The following MYO10 variants were observed in gnomAD, a reference collection of about 807,000 sequenced individuals.
MYO10 encodes unconventional myosin-X.
MYO10 carries 133 observed loss-of-function variants against 257.3 expected under a neutral mutation model. That is an observed-to-expected ratio of 0.52 (90% CI 0.45 to 0.60). The LOEUF is 0.60. Among genes scored for constraint, MYO10 ranks in the 20% least tolerant of loss-of-function variants. The pLI, the probability that MYO10 is intolerant of heterozygous loss-of-function variation, is 0.00. For synonymous variants in MYO10, 1,104 were observed against 1,028.6 expected, an observed-to-expected ratio of 1.07 and a Z score of -1.40; for missense variants, 2,399 against 2,635.7, an observed-to-expected ratio of 0.91 and a Z score of 1.97.
At chr5:16,702,480 C>T in intron 24 of MYO10, 63 bp downstream of exon 24, 3 of 1,418,328 alleles carry the variant, frequency 2.1e-6, no homozygotes, top group East Asian at 2.4e-5. Flanking sequence ...TCCTAGAGTC[C>T]AAGCATTAGA....
chr5:16,834,022 C>T (rs1014398715), intron 2 of MYO10, among the ~76,000 whole-genome samples: 3 of 152,104 alleles, frequency 2.0e-5, no homozygotes, highest in African/African-American at 4.8e-5. Flanking sequence ...CAGGCCCCCC[C>T]GAACGCCCCA....
chr5:16,779,505 T>C, intron 9 of MYO10, 40 bp downstream of exon 9: 2 of 1,174,412 alleles, frequency 1.7e-6, no homozygotes, highest in East Asian at 2.5e-5. Context: ...TAATAAGGTA[T>C]CTGATATCTT....
At chr5:16,706,230 T>C (rs1477884092) in intron 21 of MYO10, among the ~76,000 whole-genome samples, 1 of 151,974 alleles carries the variant, frequency 6.6e-6, no homozygotes, top group Non-Finnish European at 1.5e-5. Context: ...TACTCATATA[T>C]ATACACACTC....
chr5:16,894,691 C>G (rs1161942228), intron 1 of MYO10, among the ~76,000 whole-genome samples: 1 of 152,168 alleles, frequency 6.6e-6, no homozygotes, highest in Non-Finnish European at 1.5e-5. Context: ...TTCCCAGATG[C>G]CTGCAGTCCA....
At chr5:16,912,978 T>C (rs982631512) in intron 1 of MYO10, among the ~76,000 whole-genome samples, 9 of 87,582 alleles carry the variant, frequency 1.0e-4, no homozygotes, top group Non-Finnish European at 1.5e-4. Flanking sequence ...GCAAGGATAT[T>C]GTTTATTCCC....
At chr5:16,712,583 C>T (rs1738670848) in intron 19 of MYO10, among the ~76,000 whole-genome samples, 1 of 152,190 alleles carries the variant, frequency 6.6e-6, no homozygotes, top group African/African-American at 2.4e-5. Context: ...CTTAAAAATG[C>T]AGTCATTAAC....
At chr5:16,755,624 C>T (rs1056426190) in intron 18 of MYO10, among the ~76,000 whole-genome samples, 2 of 152,034 alleles carry the variant, frequency 1.3e-5, no homozygotes, top group Non-Finnish European at 1.5e-5. Context: ...TATGCCAGCA[C>T]TTCACTGGTC....
rs1560972477 is a variant in MYO10, at chr5:16,764,248, A to G, written c.1326+2T>C. 1.2e-6 allele frequency: 2 copies of G among 1,613,938 alleles called. No individual in the cohort carries two copies. Among genetic ancestry groups the G allele is most frequent in the Non-Finnish European group, 1.7e-6 (2 of 1,179,866 alleles). On this transcript the variant is annotated splice_donor_variant, in intron 12 of 40. Transcript: ENST00000513610. LOFTEE classifies it high-confidence loss of function. ...CACGTGCTGCACTGTTAGGAAACCT[A>G]CCTCAAAGTTTTCAAATCCAAAGAT...
intron 1 of MYO10, among the ~76,000 whole-genome samples, chr5:16,899,350 T>C (rs2126782540): frequency 6.6e-6 from 1 of 151,812 alleles, no homozygotes. Context: ...AATAAAAGAA[T>C]GTGGCTGGGC....
chr5:16,907,648 G>C (rs1307818248), intron 1 of MYO10, among the ~76,000 whole-genome samples: 1 of 152,170 alleles, frequency 6.6e-6, no homozygotes, highest in East Asian at 1.9e-4. Flanking sequence ...GGAGACATAT[G>C]CTTCCTCTTT....
intron 1 of MYO10, among the ~76,000 whole-genome samples, chr5:16,905,078 C>G (rs921792006): frequency 6.6e-5 from 10 of 152,232 alleles, no homozygotes; most frequent in Non-Finnish European, 1.2e-4. Context: ...TGCCTCTACT[C>G]AGTGAGTCTT....
At chr5:16,884,991 C>T (rs56074689) in intron 1 of MYO10, among the ~76,000 whole-genome samples, 2,810 of 152,232 alleles carry the variant, frequency 0.018, 89 homozygotes, top group African/African-American at 0.065. Context: ...ATCCCATGAA[C>T]TTCAAAAATC....
intron 37 of MYO10, 46 bp downstream of exon 37, chr5:16,672,643 A>G: frequency 6.2e-7 from 1 of 1,610,166 alleles, no homozygotes; most frequent in Non-Finnish European, 8.5e-7. Context: ...CTGCTCTGCA[A>G]TTTCTCTTAT....
Position 16,936,230 on chromosome 5 carries a change from G to A in MYO10, c.-422C>T, listed in dbSNP as rs1208507041. The A allele has an allele frequency of 5.3e-6, 1 of 189,686 alleles. No individual in the cohort carries two copies. 11.8% of individuals were successfully genotyped at this position (189,686 alleles called of 1,614,324 possible). A position where few individuals can be genotyped will look rare whatever the true frequency, so the allele number is the denominator to read the frequency against. On this transcript the variant is annotated 5_prime_UTR_variant, in exon 1 of 41. Coordinates refer to ENST00000513610, the MANE Select transcript of MYO10 (RefSeq NM_012334.3). ...TGAGCAGGAGCCGCGATCCCCGCGC[G>A]AGCGCTTGGAGGTGAGCAGTCCCGC...
intron 3 of MYO10, among the ~76,000 whole-genome samples, chr5:16,811,905 C>T (rs1560997127): frequency 6.6e-6 from 1 of 152,200 alleles, no homozygotes; most frequent in Non-Finnish European, 1.5e-5. Flanking sequence ...CCACCACCAC[C>T]TCCATAGGGC....
chr5:16,817,548 T>A (rs1742661669), intron 3 of MYO10, among the ~76,000 whole-genome samples: 1 of 152,204 alleles, frequency 6.6e-6, no homozygotes, highest in Non-Finnish European at 1.5e-5. Flanking sequence ...ATGGGTTCCC[T>A]TGAATGCAAG....
At chr5:16,778,581 TTCTTCCACGGGGAAGAGAAGCCTGCTC>T (rs1415352632) in intron 9 of MYO10, among the ~76,000 whole-genome samples, 2 of 152,010 alleles carry the variant, frequency 1.3e-5, no homozygotes, top group East Asian at 1.9e-4. Flanking sequence ...CCACGGGGAA[TTCTTCCACGGGGAAGAGAAGCCTGCTC>T]TCTTCCGCTC....
intron 5 of MYO10, 121 bp downstream of exon 5, chr5:16,783,214 T>C (rs187713874): frequency 7.9e-5 from 80 of 1,012,634 alleles, no homozygotes; most frequent in Admixed American, 3.4e-4. Flanking sequence ...TCTTAAGGAA[T>C]TGTAAAAGAG....
intron 2 of MYO10, among the ~76,000 whole-genome samples, chr5:16,825,993 CAATA>C (rs1291837332): frequency 6.6e-6 from 1 of 151,926 alleles, no homozygotes; most frequent in Non-Finnish European, 1.5e-5. Flanking sequence ...ACTAAAAATA[CAATA>C]ATTAGCCGGG....
Sources: allele counts gnomAD v4.1 joint callset (sites outside exome capture counted in the v4.1 genomes callset), GRCh38; gene constraint gnomAD v4.1.1; transcripts MANE v1.5; gene names NCBI Gene and HGNC (gene_info 2026-07-23, HGNC 2026-07-21).